SEL1L3: variants seen among roughly 807,000 people sequenced by gnomAD.
SEL1L3 encodes the protein protein sel-1 homolog 3.
In SEL1L3, 76 loss-of-function variants were observed where a neutral mutation model predicts 142.8. The ratio of observed to expected loss-of-function variants is 0.53; its 90% CI spans 0.44 to 0.64. The LOEUF is 0.64. SEL1L3 is among the 30% of genes least tolerant of loss of function. SEL1L3 has a pLI of 0.00. For synonymous variants in SEL1L3, 504 were observed against 519.6 expected, an observed-to-expected ratio of 0.97 and a Z score of 0.41; for missense variants, 1,262 against 1,381.7, an observed-to-expected ratio of 0.91 and a Z score of 1.37.
At chr4:25,737,066 C>A in the SEL1L3 span, among the ~76,000 whole-genome samples, 6 of 151,280 alleles carry the variant, frequency 4.0e-5, no homozygotes, top group Admixed American at 1.3e-4. Flanking sequence ...CTCACTGCAA[C>A]CTCCGCCTCC....
At chr4:25,782,000 G>A (rs930120495) in intron 15 of SEL1L3, among the ~76,000 whole-genome samples, 1 of 152,212 alleles carries the variant, frequency 6.6e-6, no homozygotes, top group Non-Finnish European at 1.5e-5. Context: ...CTTCCTGGCT[G>A]CTTTGGCTTT....
At chr4:25,783,595 T>C (rs1711573054) in intron 14 of SEL1L3, among the ~76,000 whole-genome samples, 1 of 152,224 alleles carries the variant, frequency 6.6e-6, no homozygotes, top group Non-Finnish European at 1.5e-5. Context: ...CACATGTGGC[T>C]GTGCATGCAT....
chr4:25,847,352 G>C lies in SEL1L3; in HGVS notation c.675C>G (p.Asn225Lys). The C allele has an allele frequency of 6.2e-7, 1 of 1,613,978 alleles. No homozygotes were observed. Among genetic ancestry groups the C allele is most frequent in the African/African-American group, 1.3e-5 (1 of 75,034 alleles). ...CCCGAAGGTTCCAAATATAACCCAT[G>C]TTCCACTCAAGGCACACTTGATGAT... is the stretch of plus-strand genomic sequence containing the variant. Reference protein sequence around the residue: ...FKDHQVCLEWNMGYIWNLRAN... With the variant: ...FKDHQVCLEWKMGYIWNLRAN... The change falls in exon 2 of 24, where the codon AAC (asparagine) becomes AAG (lysine). Residue 225 changes from asparagine to lysine, a missense_variant. Physicochemically the swap from Asn to Lys is moderately conservative, Grantham distance 94. Around this residue, in one of 3 missense-constraint regions of SEL1L3, gnomAD observed 689 missense variants for 692.8 expected, o/e 0.99. Transcript: ENST00000399878.
At chr4:25,863,441 G>C (rs1490519704), upstream of SEL1L3, 1 of 619,296 alleles carries the variant, frequency 1.6e-6, no homozygotes, top group Non-Finnish European at 3.0e-6. Context: ...CACCCCTTTT[G>C]CGGGTCGCAC....
At chr4:25,719,661 A>G in the SEL1L3 span, 1 of 152,176 alleles carries the variant, frequency 6.6e-6, no homozygotes, top group South Asian at 2.1e-4. Flanking sequence ...CAGGCTGTGG[A>G]TAACCAGTTG....
intron 11 of SEL1L3, among the ~76,000 whole-genome samples, chr4:25,799,068 C>A (rs1381349198): frequency 1.3e-5 from 2 of 151,882 alleles, no homozygotes; most frequent in African/African-American, 4.8e-5. Flanking sequence ...TTGCCTGTGT[C>A]CTACTCTGTT....
At chr4:25,828,906 C>T (rs1715264216) in intron 6 of SEL1L3, among the ~76,000 whole-genome samples, 1 of 152,190 alleles carries the variant, frequency 6.6e-6, no homozygotes, top group Admixed American at 6.5e-5. Flanking sequence ...GACAAAGTGC[C>T]TAAAAGTTCT....
chr4:25,731,669 C>T, the SEL1L3 span, among the ~76,000 whole-genome samples: 2 of 152,136 alleles, frequency 1.3e-5, no homozygotes, highest in Admixed American at 1.3e-4. Flanking sequence ...TAGTTCATTC[C>T]TTCTTATTGC....
intron 9 of SEL1L3, among the ~76,000 whole-genome samples, chr4:25,807,110 T>C (rs1022457603): frequency 7.9e-5 from 12 of 152,222 alleles, no homozygotes; most frequent in Non-Finnish European, 1.3e-4. Context: ...TTAAATTAAC[T>C]ACACATTATG....
At chr4:25,715,180 T>C in the SEL1L3 span, among the ~76,000 whole-genome samples, 1 of 152,138 alleles carries the variant, frequency 6.6e-6, no homozygotes, top group Non-Finnish European at 1.5e-5. Context: ...ATGTTCAACT[T>C]CGTTAATAAT....
intron 10 of SEL1L3, among the ~76,000 whole-genome samples, chr4:25,803,350 T>C (rs1453330490): frequency 6.6e-6 from 1 of 152,258 alleles, no homozygotes; most frequent in Non-Finnish European, 1.5e-5. Flanking sequence ...CAGGAGCATC[T>C]GTAAGCCAGA....
chr4:25,841,469 AAAAT>A (rs1355376522), intron 2 of SEL1L3, among the ~76,000 whole-genome samples: 1 of 152,222 alleles, frequency 6.6e-6, no homozygotes, highest in Non-Finnish European at 1.5e-5. Context: ...TGAATGACTT[AAAAT>A]AAATAAATAG....
At chr4:25,842,782 G>C (rs547782697) in intron 2 of SEL1L3, among the ~76,000 whole-genome samples, 15 of 152,010 alleles carry the variant, frequency 9.9e-5, no homozygotes, top group Non-Finnish European at 1.9e-4. Flanking sequence ...AAGCAAACAA[G>C]TCCCCTGGCC....
At chr4:25,734,071 T>G in the SEL1L3 span, among the ~76,000 whole-genome samples, 12 of 152,320 alleles carry the variant, frequency 7.9e-5, no homozygotes, top group Admixed American at 2.0e-4. Context: ...TCGCCCAGGT[T>G]GGAGTGCAAT....
At chr4:25,784,119 C>T (rs552947041) in intron 14 of SEL1L3, 109 bp downstream of exon 14, 1 of 917,086 alleles carries the variant, frequency 1.1e-6, no homozygotes, top group African/African-American at 1.6e-5. Context: ...ACCCCGTTTC[C>T]ACCTTAGGGC....
In SEL1L3 at chr4:25,862,871, A is replaced by G. The variant is rs1717832563; in HGVS notation, c.-35T>C. The G allele has an allele frequency of 9.3e-7, 1 of 1,074,012 alleles. No homozygotes were observed. Among genetic ancestry groups the G allele is most frequent in the South Asian group, 4.4e-5 (1 of 22,932 alleles). The allele number at this position is 1,074,012 out of a possible 1,614,324, so 66.5% of individuals were successfully genotyped here. A position where few individuals can be genotyped will look rare whatever the true frequency, so the allele number is the denominator to read the frequency against. On this transcript the variant is annotated 5_prime_UTR_variant, in exon 1 of 24. Coordinates refer to ENST00000399878, the MANE Select transcript of SEL1L3 (RefSeq NM_015187.5). ...GCCCGGATCCGGGCCGGAACAGGTCACCTGGTGCAGGGACCGGCCCCCGCC... is the reference window on the plus strand; with the variant it reads ...GCCCGGATCCGGGCCGGAACAGGTCGCCTGGTGCAGGGACCGGCCCCCGCC...
At chr4:25,756,216 T>G in intron 23 of SEL1L3, 2 of 985,406 alleles carry the variant, frequency 2.0e-6, no homozygotes, top group Non-Finnish European at 2.4e-6. Context: ...CCTTCATGAG[T>G]TATTATACCC....
downstream of SEL1L3, among the ~76,000 whole-genome samples, chr4:25,744,346 G>GTATTTTTT (rs1560268280): frequency 1.5e-5 from 1 of 66,866 alleles, no homozygotes; most frequent in African/African-American, 4.4e-5. Flanking sequence ...ATATGTGTGA[G>GTATTTTTT]TCTTTTTTTT....
the SEL1L3 span, chr4:25,718,388 G>C: frequency 9.9e-5 from 15 of 152,188 alleles, no homozygotes; most frequent in Non-Finnish European, 2.1e-4. Flanking sequence ...GAGGCTATTA[G>C]TGGGAGCAGT....
Sources: gnomAD v4.1 joint callset for allele counts (sites outside exome capture counted in the v4.1 genomes callset) on GRCh38, gnomAD v4.1.1 for gene constraint, gnomAD v4.1.1 regional missense constraint, MANE v1.5 for transcripts, NCBI Gene and HGNC (gene_info 2026-07-23, HGNC 2026-07-21) for gene names.